PDE9A: variants seen among roughly 807,000 people sequenced by gnomAD.
PDE9A encodes phosphodiesterase 9A.
A neutral mutation model predicts 87.4 loss-of-function variants in PDE9A; 60 were observed. The ratio of observed to expected loss-of-function variants is 0.69; its 90% confidence interval spans 0.56 to 0.85. The LOEUF is 0.85. Among genes scored for constraint, PDE9A ranks in the 40% least tolerant of loss-of-function variants. The probability of loss-of-function intolerance (pLI) is 0.00; values close to 1 mark genes in which losing one functional copy is unlikely to be tolerated. For missense variants in PDE9A, 665 were observed against 779.0 expected (o/e 0.85, Z 1.74); for synonymous variants, 272 against 279.4 (o/e 0.97, Z 0.27).
chr21:42,741,628 G>A (rs2053268440), intron 7 of PDE9A: 1 of 152,202 alleles, frequency 6.6e-6, no homozygotes, highest in Non-Finnish European at 1.5e-5. Flanking sequence ...GCACTCTCCA[G>A]ATTCTTCGTC....
Position 42,769,116 on chromosome 21 carries a change from C to T in PDE9A, c.1551C>T (p.Ile517=). ...VTKATAQIGF[I]KFVLIPMFET... ...AGGCCACAGCCCAGATTGGGTTCATCAAGTTTGTCCTGATCCCAATGTTTG... is the reference window on the plus strand; with the variant it reads ...AGGCCACAGCCCAGATTGGGTTCATTAAGTTTGTCCTGATCCCAATGTTTG... The change falls in exon 17 of 20, where the codon ATC becomes ATT. Residue 517 remains isoleucine, a synonymous_variant. Transcript: ENST00000291539. 6.2e-7 allele frequency: 1 copy of T among 1,613,896 alleles called. No individual in the cohort carries two copies. Among genetic ancestry groups the T allele is most frequent in the Non-Finnish European group, 8.5e-7 (1 of 1,179,808 alleles).
intron 4 of PDE9A, among the ~76,000 whole-genome samples, chr21:42,726,618 A>ATTTTTTTTT (rs1486108848): frequency 2.8e-3 from 65 of 23,026 alleles, no homozygotes; most frequent in African/African-American, 8.6e-3. Context: ...ATATATATAT[A>ATTTTTTTTT]TATATATTTT....
chr21:42,718,847 A>G (rs1289525930), intron 4 of PDE9A, among the ~76,000 whole-genome samples: 1 of 151,784 alleles, frequency 6.6e-6, no homozygotes, highest in Non-Finnish European at 1.5e-5. Context: ...ATTGTAGACT[A>G]AGATTATGAA....
chr21:42,684,914 G>GAAA (rs34043873), intron 1 of PDE9A, among the ~76,000 whole-genome samples: 2,124 of 145,962 alleles, frequency 0.015, 55 homozygotes, highest in African/African-American at 0.049. Context: ...GTTAGTCACA[G>GAAA]AAAAAAAAAA....
At position 42,653,848 on chromosome 21, in the gene PDE9A, G is replaced by A. The variant is rs1426550648; in HGVS notation, c.34G>A (p.Ala12Thr). 1 of 1,571,170 alleles carries A rather than the reference G, an allele frequency of 6.4e-7. No homozygotes were observed. Among genetic ancestry groups the A allele is most frequent in the Non-Finnish European group, 8.6e-7 (1 of 1,159,578 alleles). Residue 12 changes from alanine (A) to threonine (T), a missense_variant, in exon 1 of 20, where the codon GCC (alanine) becomes ACC (threonine). Transcript: ENST00000291539. ...GSGSSSYRPK[A>T]IYLDIDGRIQ... ...CGGCTCCTCCAGCTACCGGCCCAAG[G>A]CCATCTACCTGGACATCGATGGACG...
At chr21:42,746,248 GA>G (rs978039497) in intron 8 of PDE9A, among the ~76,000 whole-genome samples, 26 of 152,224 alleles carry the variant, frequency 1.7e-4, no homozygotes, top group African/African-American at 6.0e-4. Context: ...TTGCAGGGGG[GA>G]AGATTATTTT....
rs1468672140 is a variant in PDE9A at position 42,760,491 on chromosome 21, CTTCCAGGGAGCG to C, written c.1002+60_1002+71del. The C allele has an allele frequency of 2.8e-6, 3 of 1,080,580 alleles. No individual in the cohort carries two copies. In the African/African-American group the frequency reaches 4.7e-5, roughly 17 times the overall value. The allele number at this position is 1,080,580 out of a possible 1,614,324, so 66.9% of individuals were successfully genotyped here. ...CTCTCGGGGGTCAGACGGAGGCCCC[CTTCCAGGGAGCG>C]GCAGCCCCATCCCACCAAGAGAGCC... On this transcript the variant is annotated intron_variant, in intron 12 of 19. Coordinates refer to ENST00000291539, the MANE Select transcript of PDE9A (RefSeq NM_002606.3). This position sits in a 1 kb window ranked among gnomAD's most constrained non-coding sequence, Gnocchi z 5.2.
In PDE9A at chr21:42,704,299, A is replaced by T. The variant is rs970325315; in HGVS notation, c.262+5288A>T. ...CAACCCCTCCCACATCTCCATAGTC[A>T]CATCCTGGCTGGGCTAACACCACCT... On this transcript the variant is annotated intron_variant, in intron 4 of 19. Coordinates refer to ENST00000291539, the MANE Select transcript of PDE9A (RefSeq NM_002606.3). The surrounding 1 kb of genome is among the most constrained non-coding windows in gnomAD (Gnocchi z 5.3). Among the ~76,000 whole-genome samples the T allele has an allele frequency of 4.6e-5, 7 of 152,010 alleles. No individual in the cohort carries two copies. Among genetic ancestry groups the T allele is most frequent in the African/African-American group, 1.4e-4 (6 of 41,396 alleles).
chr21:42,738,525 AC>A (rs1253530593), intron 7 of PDE9A, among the ~76,000 whole-genome samples: 1 of 151,054 alleles, frequency 6.6e-6, no homozygotes, highest in East Asian at 1.9e-4. Context: ...GGCTCTCCCC[AC>A]CCTCCGGCTC....
chr21:42,663,209 ATGCACGCACC>A (rs933233716), intron 1 of PDE9A, among the ~76,000 whole-genome samples: 1 of 148,972 alleles, frequency 6.7e-6, no homozygotes, highest in African/African-American at 2.5e-5. Context: ...CACCACACAC[ATGCACGCACC>A]TACCACACAT....
At chr21:42,765,986 A>C (rs1569272961) in intron 15 of PDE9A, among the ~76,000 whole-genome samples, 2 of 152,300 alleles carry the variant, frequency 1.3e-5, no homozygotes, top group South Asian at 4.1e-4. Flanking sequence ...GAGAAGGTGC[A>C]CTTAGGTTGC....
chr21:42,746,947 C>T (rs2053920202), intron 8 of PDE9A, among the ~76,000 whole-genome samples: 1 of 152,190 alleles, frequency 6.6e-6, no homozygotes, highest in Non-Finnish European at 1.5e-5. Flanking sequence ...CTCTGGCAGC[C>T]TCCCCTGTAG....
intron 1 of PDE9A, among the ~76,000 whole-genome samples, chr21:42,667,436 G>C (rs923628438): frequency 1.3e-5 from 2 of 152,136 alleles, no homozygotes; most frequent in African/African-American, 4.8e-5. Context: ...CTATTTGGCA[G>C]GTGGCATGAA....
intron 1 of PDE9A, among the ~76,000 whole-genome samples, chr21:42,674,316 CTTTT>C (rs34238765): frequency 3.0e-5 from 4 of 134,596 alleles, no homozygotes; most frequent in Admixed American, 7.4e-5. Context: ...TTTAGACATT[CTTTT>C]TTTTTTTTTT....
chr21:42,731,734 C>T lies in PDE9A; in HGVS notation c.263-36C>T, dbSNP rs189849246. 3.8e-5 allele frequency: 61 copies of T among 1,588,496 alleles called. No individual in the cohort carries two copies. In the Admixed American group the frequency reaches 7.7e-4, roughly 20 times the overall value. ...ACCTGGACACTAAGAGGAAACTTCC[C>T]ATATTTGGAAACCCAGTCCTGCCTG... On this transcript the variant is annotated intron_variant, in intron 4 of 19. Transcript: ENST00000291539.
chr21:42,675,345 G>A lies in PDE9A; in HGVS notation c.70-10847G>A, dbSNP rs6586339. On this transcript the variant is annotated intron_variant, in intron 1 of 19. Coordinates refer to ENST00000291539, the MANE Select transcript of PDE9A (RefSeq NM_002606.3). This position sits in a 1 kb window ranked among gnomAD's most constrained non-coding sequence, Gnocchi z 4.3. ...TGCAGTGAATAATCCAGAGGAACAC[G>A]CTCAGTGTGCATCTTTGCTTGCAGC... Among the ~76,000 whole-genome samples, 14,023 of 152,236 alleles carry A rather than the reference G, an allele frequency of 0.092. 2,114 individuals are homozygous for A. Among genetic ancestry groups the A allele is most frequent in the African/African-American group, 0.32 (13,141 of 41,472 alleles).
At chr21:42,710,663 A>G (rs2049248633) in intron 4 of PDE9A, among the ~76,000 whole-genome samples, 1 of 152,180 alleles carries the variant, frequency 6.6e-6, no homozygotes, top group Non-Finnish European at 1.5e-5. Flanking sequence ...GACTATTTGA[A>G]TGTCATATTT....
Position 42,692,366 on chromosome 21 carries a change from A to G in PDE9A, c.218+4372A>G, listed in dbSNP as rs959961471. 2.0e-5 allele frequency among the ~76,000 whole-genome samples: 3 copies of G among 152,178 alleles called. No homozygotes were observed. The highest frequency in any genetic ancestry group is 1.3e-4 in the Admixed American group (2 of 15,282). On this transcript the variant is annotated intron_variant, in intron 3 of 19. Transcript: ENST00000291539. The surrounding 1 kb of genome is among the most constrained non-coding windows in gnomAD (Gnocchi z 4.3). ...ACCCGGGATGCCAATGGCATCCTAC[A>G]GCGCACAGGACAGGCCCACAACAAT...
rs888441393 is a variant in PDE9A at position 42,695,787 on chromosome 21, G to T, written c.219-3181G>T. 2.6e-5 allele frequency among the ~76,000 whole-genome samples: 4 copies of T among 152,210 alleles called. No homozygotes were observed. Among genetic ancestry groups the T allele is most frequent in the African/African-American group, 7.2e-5 (3 of 41,454 alleles). On this transcript the variant is annotated intron_variant, in intron 3 of 19. Coordinates refer to ENST00000291539, the MANE Select transcript of PDE9A (RefSeq NM_002606.3). The surrounding 1 kb of genome is among the most constrained non-coding windows in gnomAD (Gnocchi z 4.3). ...AGCTTATCCTTTCCAAAGAGGGAGTGCTTCCTGTGTTAATTTGTTATTGAG... is the reference window on the plus strand; with the variant it reads ...AGCTTATCCTTTCCAAAGAGGGAGTTCTTCCTGTGTTAATTTGTTATTGAG...
Sources: gnomAD v4.1 joint callset for allele counts (sites outside exome capture counted in the v4.1 genomes callset) on GRCh38, gnomAD v4.1.1 for gene constraint, Gnocchi (gnomAD v3.1) non-coding constraint, MANE v1.5 for transcripts, NCBI Gene and HGNC (gene_info 2026-07-23, HGNC 2026-07-21) for gene names.